SLC9A9: variants seen among roughly 807,000 people sequenced by gnomAD.
SLC9A9 encodes sodium/hydrogen exchanger 9.
Under a neutral mutation model 77.8 loss-of-function variants are expected in SLC9A9, and 62 were observed. The ratio of observed to expected loss-of-function variants is 0.80; its 90% CI spans 0.65 to 0.98. The LOEUF (loss-of-function observed/expected upper bound fraction) is 0.98, where lower values mean the gene tolerates loss of function less well. Ranked by LOEUF, SLC9A9 falls within the 50% of genes least tolerant of loss-of-function variation. The pLI is 0.00. For missense variants in SLC9A9, 775 were observed against 774.9 expected (o/e 1.00, Z 0.00); for synonymous variants, 320 against 283.5 (o/e 1.13, Z -1.29).
At chr3:143,376,395 C>T (rs557023186) in intron 13 of SLC9A9, among the ~76,000 whole-genome samples, 3 of 152,298 alleles carry the variant, frequency 2.0e-5, no homozygotes, top group African/African-American at 7.2e-5. Context: ...TGGCTCAGCC[C>T]ATCACTGGTT....
At chr3:143,654,825 C>T (rs2038861260) in intron 5 of SLC9A9, among the ~76,000 whole-genome samples, 1 of 152,114 alleles carries the variant, frequency 6.6e-6, no homozygotes, top group South Asian at 2.1e-4. Context: ...ACTTATGGAG[C>T]CCCTCTGCCC....
chr3:143,384,820 A>G (rs969361844), intron 12 of SLC9A9, among the ~76,000 whole-genome samples: 1 of 126,472 alleles, frequency 7.9e-6, no homozygotes, highest in African/African-American at 2.7e-5. Flanking sequence ...AGCCAGGGTG[A>G]ACACGGTCCT....
chr3:143,789,850 C>T (rs1259021925), intron 4 of SLC9A9, among the ~76,000 whole-genome samples: 1 of 152,116 alleles, frequency 6.6e-6, no homozygotes, highest in Non-Finnish European at 1.5e-5. Flanking sequence ...AATGAGAAAT[C>T]AATACTTCTC....
intron 14 of SLC9A9, among the ~76,000 whole-genome samples, chr3:143,332,509 A>G (rs1445965373): frequency 6.6e-6 from 1 of 152,218 alleles, no homozygotes; most frequent in Non-Finnish European, 1.5e-5. Context: ...CAGGAAAACC[A>G]ATAGGAAACT....
chr3:143,387,607 C>T (rs2033458345), intron 12 of SLC9A9, among the ~76,000 whole-genome samples: 1 of 152,172 alleles, frequency 6.6e-6, no homozygotes, highest in East Asian at 1.9e-4. Context: ...CCCAGCTGTG[C>T]CCTCGTACAT....
At chr3:143,446,664 G>A (rs932089834) in intron 12 of SLC9A9, among the ~76,000 whole-genome samples, 1 of 152,136 alleles carries the variant, frequency 6.6e-6, no homozygotes. Context: ...CTTCTGTGGG[G>A]TGTGATCTAT....
intron 4 of SLC9A9, among the ~76,000 whole-genome samples, chr3:143,710,041 A>T (rs1934097175): frequency 1.3e-5 from 2 of 152,338 alleles, no homozygotes; most frequent in South Asian, 4.1e-4. Flanking sequence ...CAAATATTTT[A>T]AAATCCCAGC....
chr3:143,521,637 T>C lies in SLC9A9; in HGVS notation c.1090-26189A>G, dbSNP rs72991998. On this transcript the variant is annotated intron_variant, in intron 9 of 15. Transcript: ENST00000316549. ...CATTTCCTGCCTTCTTTTGTATTGA[T>C]TAATTTTTTCTTTCTTATGTCTCCT... is the stretch of plus-strand genomic sequence containing the variant. Among the ~76,000 whole-genome samples, 549 of 152,264 alleles carry C rather than the reference T, an allele frequency of 3.6e-3. 6 individuals carry two copies. The highest frequency in any genetic ancestry group is 0.012 in the African/African-American group (508 of 41,574).
rs549272604 is a variant in SLC9A9, at chr3:143,576,215, T to A, written c.895-2022A>T. Among the ~76,000 whole-genome samples, 19 of 152,372 alleles carry A rather than the reference T, an allele frequency of 1.2e-4. No individual in the cohort carries two copies. The South Asian group carries it at 3.9e-3, about 32-fold the overall frequency. On this transcript the variant is annotated intron_variant, in intron 7 of 15. Transcript: ENST00000316549. ...TTTGGCCTTAGCCAAGTTGTTTAAC[T>A]TTAATTGTCTCAGTTTCCTTAGCTG...
intron 6 of SLC9A9, among the ~76,000 whole-genome samples, chr3:143,629,625 T>A (rs2038388269): frequency 6.6e-6 from 1 of 151,472 alleles, no homozygotes; most frequent in South Asian, 2.1e-4. Context: ...GGGAGAGAGA[T>A]CTACTAGCTA....
At chr3:143,282,361 G>C (rs995115991) in intron 14 of SLC9A9, among the ~76,000 whole-genome samples, 2 of 152,180 alleles carry the variant, frequency 1.3e-5, no homozygotes, top group African/African-American at 4.8e-5. Flanking sequence ...ATACTTTACA[G>C]ACTTTTATCT....
At chr3:143,804,868 A>G (rs1014689968) in intron 2 of SLC9A9, among the ~76,000 whole-genome samples, 1 of 152,190 alleles carries the variant, frequency 6.6e-6, no homozygotes, top group South Asian at 2.1e-4. Context: ...CATCACAGAC[A>G]TATCACAAAC....
chr3:143,644,025 T>A (rs1335149540), intron 6 of SLC9A9, among the ~76,000 whole-genome samples: 1 of 151,716 alleles, frequency 6.6e-6, no homozygotes, highest in Non-Finnish European at 1.5e-5. Flanking sequence ...CTTCTCCTGC[T>A]TTCTAGAGTA....
intron 12 of SLC9A9, among the ~76,000 whole-genome samples, chr3:143,389,255 A>G (rs2033497886): frequency 6.6e-6 from 1 of 152,060 alleles, no homozygotes; most frequent in Admixed American, 6.6e-5. Context: ...TCAGGTTGGG[A>G]GAGAAAAGAA....
chr3:143,284,902 T>C (rs1436200303), intron 14 of SLC9A9, among the ~76,000 whole-genome samples: 3 of 152,176 alleles, frequency 2.0e-5, no homozygotes, highest in Non-Finnish European at 2.9e-5. Context: ...GACAAAATGA[T>C]ACAGACAGCT....
intron 5 of SLC9A9, among the ~76,000 whole-genome samples, chr3:143,681,661 T>C (rs1412324600): frequency 1.3e-5 from 2 of 152,250 alleles, no homozygotes; most frequent in African/African-American, 4.8e-5. Context: ...TCTGACTATT[T>C]CAGGAATTTA....
At chr3:143,846,690 C>T (rs181138699) in intron 1 of SLC9A9, among the ~76,000 whole-genome samples, 8 of 150,242 alleles carry the variant, frequency 5.3e-5, no homozygotes, top group African/African-American at 1.5e-4. Flanking sequence ...CCTGTCTCCA[C>T]TAAATTTTAA....
At chr3:143,831,041 T>C (rs2009421831) in intron 2 of SLC9A9, among the ~76,000 whole-genome samples, 1 of 152,094 alleles carries the variant, frequency 6.6e-6, no homozygotes, top group Non-Finnish European at 1.5e-5. Flanking sequence ...ACAATTATTA[T>C]AAATTAGTCA....
At chr3:143,548,313 G>A (rs916421692) in intron 9 of SLC9A9, among the ~76,000 whole-genome samples, 4 of 152,090 alleles carry the variant, frequency 2.6e-5, no homozygotes, top group Non-Finnish European at 5.9e-5. Context: ...GGGGTGGTGA[G>A]GGAATGTGGG....
Sources: gnomAD v4.1 joint callset for allele counts (sites outside exome capture counted in the v4.1 genomes callset) on GRCh38, gnomAD v4.1.1 for gene constraint, MANE v1.5 for transcripts, NCBI Gene and HGNC (gene_info 2026-07-23, HGNC 2026-07-21) for gene names.